The following CFAP299 variants were observed in gnomAD, a reference collection of about 807,000 sequenced individuals.
CFAP299 encodes cilia- and flagella-associated protein 299.
In CFAP299, 21 loss-of-function variants were observed where a neutral mutation model predicts 27.0. The ratio of observed to expected loss-of-function variants is 0.78; its 90% confidence interval spans 0.55 to 1.12. The LOEUF is 1.12. CFAP299 is among the 50% of genes most tolerant of loss of function. The pLI is 0.00. For synonymous variants in CFAP299, 104 were observed against 98.1 expected (o/e 1.06, Z -0.36); for missense variants, 310 against 276.6 (o/e 1.12, Z -0.86).
At chr4:80,327,699 T>TATATATAACTTCAATAC in the CFAP299 span, among the ~76,000 whole-genome samples, 4 of 120,618 alleles carry the variant, frequency 3.3e-5, no homozygotes, top group Non-Finnish European at 6.6e-5. Context: ...GTTATATATA[T>TATATATAACTTCAATAC]ATATATATAT....
chr4:80,783,971 C>T (rs1199953263), intron 3 of CFAP299, among the ~76,000 whole-genome samples: 1 of 151,026 alleles, frequency 6.6e-6, no homozygotes, highest in Non-Finnish European at 1.5e-5. Context: ...TATGATTCTA[C>T]ATATAAATGA....
At chr4:80,395,728 T>C (rs145511808) in intron 2 of CFAP299, among the ~76,000 whole-genome samples, 1 of 152,288 alleles carries the variant, frequency 6.6e-6, no homozygotes, top group African/African-American at 2.4e-5. Flanking sequence ...AGTTAGCTTC[T>C]TGCCATTTTT....
intron 3 of CFAP299, among the ~76,000 whole-genome samples, chr4:80,710,483 C>CTTTT (rs372010060): frequency 1.1e-5 from 1 of 95,066 alleles, no homozygotes; most frequent in South Asian, 3.5e-4. Context: ...TTTTCTTTTT[C>CTTTT]TTTTTTTTTT....
chr4:80,671,609 G>T (rs563519525), intron 3 of CFAP299, among the ~76,000 whole-genome samples: 4 of 152,214 alleles, frequency 2.6e-5, no homozygotes, highest in African/African-American at 9.6e-5. Flanking sequence ...TCATGATATT[G>T]ATTCTTCCTA....
chr4:80,493,559 T>C (rs1030815855), intron 2 of CFAP299, among the ~76,000 whole-genome samples: 6 of 151,498 alleles, frequency 4.0e-5, no homozygotes, highest in Admixed American at 3.3e-4. Flanking sequence ...CAGGGTGGAG[T>C]AGGTAATCGA....
At chr4:80,521,005 A>G (rs1225465741) in intron 2 of CFAP299, among the ~76,000 whole-genome samples, 1 of 152,188 alleles carries the variant, frequency 6.6e-6, no homozygotes, top group African/African-American at 2.4e-5. Context: ...GTGAATGCAA[A>G]TAGGAAATTA....
At chr4:80,889,196 G>GT (rs144677095) in intron 4 of CFAP299, among the ~76,000 whole-genome samples, 20 of 150,706 alleles carry the variant, frequency 1.3e-4, no homozygotes, top group Admixed American at 5.3e-4. Flanking sequence ...CAAAATAAAA[G>GT]TTTTTTTTTA....
intron 2 of CFAP299, among the ~76,000 whole-genome samples, chr4:80,542,076 C>T (rs913432921): frequency 5.3e-5 from 8 of 152,068 alleles, no homozygotes; most frequent in Non-Finnish European, 7.3e-5. Flanking sequence ...AGTGCCTTGG[C>T]GCATGCTTGG....
chr4:80,666,666 A>G (rs965892637), intron 3 of CFAP299, among the ~76,000 whole-genome samples: 3 of 152,110 alleles, frequency 2.0e-5, no homozygotes, highest in Non-Finnish European at 4.4e-5. Context: ...ACCCCCTTTG[A>G]TCTTGCCTTC....
intron 4 of CFAP299, among the ~76,000 whole-genome samples, chr4:80,936,737 A>G (rs1736907666): frequency 6.6e-6 from 1 of 151,988 alleles, no homozygotes; most frequent in South Asian, 2.1e-4. Flanking sequence ...AACACCCATA[A>G]CGTGAGTTTA....
At chr4:80,369,022 T>C (rs1723994831) in intron 2 of CFAP299, among the ~76,000 whole-genome samples, 1 of 152,210 alleles carries the variant, frequency 6.6e-6, no homozygotes, top group Admixed American at 6.5e-5. Flanking sequence ...CCTCAAACTT[T>C]GAGAGAATCT....
intron 2 of CFAP299, among the ~76,000 whole-genome samples, chr4:80,517,234 A>G (rs923008019): frequency 1.3e-5 from 2 of 151,384 alleles, no homozygotes; most frequent in Admixed American, 1.3e-4. Context: ...GGAAAGAAAT[A>G]GGAAATTGTT....
At chr4:80,334,585 A>G (rs1722051779), upstream of CFAP299, among the ~76,000 whole-genome samples, 1 of 152,196 alleles carries the variant, frequency 6.6e-6, no homozygotes, top group Non-Finnish European at 1.5e-5. Flanking sequence ...TTGATGGGTT[A>G]CCAGTGTCCA....
At chr4:80,489,500 A>G (rs1731006224) in intron 2 of CFAP299, among the ~76,000 whole-genome samples, 2 of 152,228 alleles carry the variant, frequency 1.3e-5, no homozygotes, top group Admixed American at 1.3e-4. Flanking sequence ...ATGCAAATTT[A>G]GAAAACAAAA....
At chr4:80,484,677 A>C (rs188800125) in intron 2 of CFAP299, among the ~76,000 whole-genome samples, 1 of 152,332 alleles carries the variant, frequency 6.6e-6, no homozygotes, top group Admixed American at 6.5e-5. Context: ...TTATAAATGT[A>C]AGCTAAGACT....
intron 3 of CFAP299, among the ~76,000 whole-genome samples, chr4:80,792,499 A>T (rs1727626590): frequency 6.6e-6 from 1 of 152,154 alleles, no homozygotes; most frequent in Non-Finnish European, 1.5e-5. Context: ...ACACTGAGTG[A>T]AATCATAGTG....
chr4:80,564,785 A>G (rs1255764424), intron 2 of CFAP299, among the ~76,000 whole-genome samples: 1 of 151,644 alleles, frequency 6.6e-6, no homozygotes, highest in Non-Finnish European at 1.5e-5. Flanking sequence ...GACTCCACCA[A>G]AAAAAAAGCA....
chr4:80,957,512 C>A (rs1738129986), intron 5 of CFAP299, among the ~76,000 whole-genome samples: 1 of 152,034 alleles, frequency 6.6e-6, no homozygotes, highest in Admixed American at 6.6e-5. Flanking sequence ...TAAGGTATTA[C>A]AACTGATTCC....
intron 3 of CFAP299, among the ~76,000 whole-genome samples, chr4:80,681,068 A>G (rs911813541): frequency 6.6e-6 from 1 of 152,146 alleles, no homozygotes; most frequent in Non-Finnish European, 1.5e-5. Context: ...CTTCTTTTGA[A>G]GAACATTGTT....
Sources: gnomAD v4.1 joint callset for allele counts (sites outside exome capture counted in the v4.1 genomes callset) on GRCh38, gnomAD v4.1.1 for gene constraint, MANE v1.5 for transcripts, NCBI Gene and HGNC (gene_info 2026-07-23, HGNC 2026-07-21) for gene names.